The following ASIC2 variants were observed in gnomAD, a reference collection of about 807,000 sequenced individuals.
ASIC2 encodes acid-sensing ion channel 2.
ASIC2 carries 25 observed loss-of-function variants against 57.3 expected under a neutral mutation model. The ratio of observed to expected loss-of-function variants is 0.44; its 90% CI spans 0.32 to 0.61. ASIC2 has a LOEUF of 0.61. ASIC2 is among the 20% of genes least tolerant of loss of function. The pLI, the probability that ASIC2 is intolerant of heterozygous loss-of-function variation, is 0.06. For synonymous variants in ASIC2, 319 were observed against 307.5 expected, an observed-to-expected ratio of 1.04 and a Z score of -0.39; for missense variants, 641 against 738.1, an observed-to-expected ratio of 0.87 and a Z score of 1.52.
At chr17:33,306,226 G>C (rs1597675140) in intron 1 of ASIC2, among the ~76,000 whole-genome samples, 1 of 152,154 alleles carries the variant, frequency 6.6e-6, no homozygotes, top group Non-Finnish European at 1.5e-5. Context: ...TTGTTCCATA[G>C]GACTTGGAAT....
intron 1 of ASIC2, among the ~76,000 whole-genome samples, chr17:33,268,062 G>C (rs1754170622): frequency 6.6e-6 from 1 of 152,142 alleles, no homozygotes; most frequent in Admixed American, 6.5e-5. Flanking sequence ...GACTTTTGAA[G>C]GCAGTTGGTC....
chr17:33,497,707 A>G (rs1475793334), intron 1 of ASIC2, among the ~76,000 whole-genome samples: 1 of 152,074 alleles, frequency 6.6e-6, no homozygotes, highest in African/African-American at 2.4e-5. Context: ...AACCCAATCC[A>G]CACACCTTAC....
chr17:33,662,375 C>A (rs528560562), intron 1 of ASIC2, among the ~76,000 whole-genome samples: 1 of 152,208 alleles, frequency 6.6e-6, no homozygotes, highest in African/African-American at 2.4e-5. Flanking sequence ...AATTTCAGCA[C>A]TTTGGGAGAC....
intron 1 of ASIC2, among the ~76,000 whole-genome samples, chr17:33,989,021 C>T (rs1031326327): frequency 6.6e-6 from 1 of 152,124 alleles, no homozygotes; most frequent in African/African-American, 2.4e-5. Flanking sequence ...ATTTTTCCTG[C>T]AATTTCTCCT....
intron 1 of ASIC2, among the ~76,000 whole-genome samples, chr17:33,900,771 T>C (rs1720929580): frequency 6.6e-6 from 1 of 152,032 alleles, no homozygotes; most frequent in South Asian, 2.1e-4. Flanking sequence ...GGGAAGAGGG[T>C]GGGGGCTGCC....
chr17:34,006,468 T>C (rs1329193747), intron 1 of ASIC2: 1 of 152,206 alleles, frequency 6.6e-6, no homozygotes, highest in Non-Finnish European at 1.5e-5. Flanking sequence ...GTGACATGAC[T>C]GAATTTGAGT....
chr17:33,217,517 CTT>C (rs1318966967), intron 1 of ASIC2, among the ~76,000 whole-genome samples: 2 of 152,210 alleles, frequency 1.3e-5, no homozygotes, highest in Non-Finnish European at 2.9e-5. Flanking sequence ...GTCTTTGCCT[CTT>C]GAGTACTTGC....
intron 1 of ASIC2, among the ~76,000 whole-genome samples, chr17:33,223,294 T>C (rs559483734): frequency 6.6e-6 from 1 of 152,302 alleles, no homozygotes; most frequent in South Asian, 2.1e-4. Context: ...GTGATTCTCC[T>C]GCCTCAGCCT....
chr17:33,051,184 A>G (rs1291086798), intron 3 of ASIC2, among the ~76,000 whole-genome samples: 1 of 152,116 alleles, frequency 6.6e-6, no homozygotes, highest in African/African-American at 2.4e-5. Context: ...TTTCCCTTTC[A>G]GTGGAGGACA....
chr17:33,984,963 TGAAAG>T (rs1365887740), intron 1 of ASIC2, among the ~76,000 whole-genome samples: 1 of 152,134 alleles, frequency 6.6e-6, no homozygotes, highest in Non-Finnish European at 1.5e-5. Context: ...CTTCAGACAC[TGAAAG>T]GAAAGACATT....
At position 33,856,461 on chromosome 17, in the gene ASIC2, A is replaced by G. The variant is rs866687680; in HGVS notation, c.555+299517T>C. 2.9e-3 allele frequency among the ~76,000 whole-genome samples: 256 copies of G among 89,076 alleles called. 3 individuals carry two copies. The highest frequency in any genetic ancestry group is 7.5e-3 in the African/African-American group (235 of 31,406). The allele number at this position is 89,076 out of a possible 152,430, so 58.4% of individuals were successfully genotyped here. On this transcript the variant is annotated intron_variant, in intron 1 of 9. Coordinates refer to the ASIC2 transcript ENST00000359872. ...GGGTGGTAGTAGTAGTAATAGTCTT[A>G]TCAGTAGTAGTGGTGGTGGTGGCAG...
intron 1 of ASIC2, among the ~76,000 whole-genome samples, chr17:33,658,452 C>G (rs1299821016): frequency 6.6e-6 from 1 of 152,190 alleles, no homozygotes; most frequent in Non-Finnish European, 1.5e-5. Flanking sequence ...AATGGGAGAG[C>G]AGGCATGTGT....
intron 1 of ASIC2, among the ~76,000 whole-genome samples, chr17:33,509,360 C>CT (rs1352308937): frequency 6.6e-6 from 1 of 152,182 alleles, no homozygotes; most frequent in Non-Finnish European, 1.5e-5. Flanking sequence ...ATGGGGCAGG[C>CT]TTCATAATGT....
chr17:33,601,107 TAAAAG>T (rs1296720025), intron 1 of ASIC2, among the ~76,000 whole-genome samples: 4 of 152,100 alleles, frequency 2.6e-5, no homozygotes, highest in Non-Finnish European at 5.9e-5. Context: ...GATTTATAAT[TAAAAG>T]GAAAGCAGAA....
At chr17:33,167,197 A>G (rs11868174) in intron 1 of ASIC2, among the ~76,000 whole-genome samples, 7,096 of 151,466 alleles carry the variant, frequency 0.047, 568 homozygotes, top group African/African-American at 0.16. Flanking sequence ...TTCCACCATC[A>G]CCAGCCCCTG....
chr17:33,069,899 A>AT (rs1226252117), intron 3 of ASIC2, among the ~76,000 whole-genome samples: 5 of 151,946 alleles, frequency 3.3e-5, no homozygotes, highest in East Asian at 1.9e-4. Context: ...TACTAGTCCC[A>AT]TTTTTTTCTC....
intron 1 of ASIC2, among the ~76,000 whole-genome samples, chr17:33,979,371 G>A (rs1024480773): frequency 7.9e-5 from 12 of 152,106 alleles, no homozygotes; most frequent in South Asian, 2.1e-4. Flanking sequence ...GAGTGAGGCC[G>A]TCAGAAACCC....
At chr17:33,394,662 C>A (rs1910012698) in intron 1 of ASIC2, among the ~76,000 whole-genome samples, 1 of 152,108 alleles carries the variant, frequency 6.6e-6, no homozygotes, top group African/African-American at 2.4e-5. Context: ...CCCAGGGAGG[C>A]AAAATTTGTG....
chr17:33,683,876 C>A (rs1908090801), intron 1 of ASIC2, among the ~76,000 whole-genome samples: 1 of 152,184 alleles, frequency 6.6e-6, no homozygotes, highest in South Asian at 2.1e-4. Flanking sequence ...TCCCGTAGGG[C>A]CTCATCTTGA....
Sources: gnomAD v4.1 joint callset for allele counts (sites outside exome capture counted in the v4.1 genomes callset) on GRCh38, gnomAD v4.1.1 for gene constraint, MANE v1.5 for transcripts, NCBI Gene and HGNC (gene_info 2026-07-23, HGNC 2026-07-21) for gene names.